The following MRPL3 variants were observed in gnomAD, a reference collection of about 807,000 sequenced individuals.
MRPL3 encodes the protein large ribosomal subunit protein uL3m.
MRPL3 carries 43 observed loss-of-function variants against 44.3 expected under a neutral mutation model. The observed-to-expected ratio is 0.97, with a 90% CI of 0.76 to 1.25. The LOEUF is 1.25. Ranked by LOEUF, MRPL3 falls within the 50% of genes most tolerant of loss-of-function variation. The pLI is 0.00. For synonymous variants in MRPL3, 171 were observed against 152.3 expected (o/e 1.12, Z -0.91); for missense variants, 406 against 427.6 (o/e 0.95, Z 0.45).
intron 9 of MRPL3, among the ~76,000 whole-genome samples, chr3:131,463,991 T>C (rs1009067351): frequency 4.6e-5 from 7 of 152,152 alleles, no homozygotes; most frequent in African/African-American, 1.7e-4. Flanking sequence ...AGATCTACTT[T>C]AATCCCTCTT....
intron 6 of MRPL3, among the ~76,000 whole-genome samples, chr3:131,484,269 T>C (rs1216684261): frequency 1.3e-5 from 2 of 152,182 alleles, no homozygotes; most frequent in Non-Finnish European, 2.9e-5. Flanking sequence ...ACCAGCAGCA[T>C]CTATATCACC....
chr3:131,491,510 G>C (rs545768072), intron 4 of MRPL3, among the ~76,000 whole-genome samples: 1 of 152,006 alleles, frequency 6.6e-6, no homozygotes, highest in Non-Finnish European at 1.5e-5. Flanking sequence ...TAAGCTTAAC[G>C]TGTCTAAAAC....
At chr3:131,472,985 T>C (rs1050810397) in intron 6 of MRPL3, among the ~76,000 whole-genome samples, 1 of 152,090 alleles carries the variant, frequency 6.6e-6, no homozygotes, top group African/African-American at 2.4e-5. Flanking sequence ...GGCCATACTA[T>C]ACAAAGTGGT....
intron 6 of MRPL3, chr3:131,487,317 G>A (rs1179769223): frequency 5.4e-6 from 1 of 185,704 alleles, no homozygotes; most frequent in African/African-American, 2.4e-5. Context: ...GGGGCTGGGG[G>A]AGGGATAGCA....
chr3:131,501,707 A>G lies in MRPL3; in HGVS notation c.101T>C (p.Ile34Thr). Residue 34 changes from isoleucine (I) to threonine (T), a missense_variant, in exon 2 of 10, where the codon ATC becomes ACC. Ile to Thr is a moderately conservative substitution (Grantham distance 89). Transcript: ENST00000264995. ...AALGPGNRTH[I>T]WLFVRGLHGK... is the part of the protein sequence containing the mutation. ...ATGAAGACCTCTAACAAAAAGCCAG[A>G]TGTGTGTTCTATAAAAAGAAAAAAT... 2 of 1,607,716 alleles carry G rather than the reference A, an allele frequency of 1.2e-6. No homozygotes were observed. Among genetic ancestry groups the G allele is most frequent in the Non-Finnish European group, 1.7e-6 (2 of 1,178,004 alleles).
At chr3:131,465,328 C>T (rs191681566) in intron 9 of MRPL3, among the ~76,000 whole-genome samples, 74 of 152,180 alleles carry the variant, frequency 4.9e-4, no homozygotes, top group African/African-American at 1.7e-3. Context: ...CTGAAGTAGG[C>T]GATAAATCTG....
At chr3:131,473,373 CCT>C (rs1933782817) in intron 6 of MRPL3, among the ~76,000 whole-genome samples, 2 of 151,658 alleles carry the variant, frequency 1.3e-5, no homozygotes, top group Admixed American at 1.3e-4. Context: ...AGGTTAGACC[CCT>C]CTCTCTCACC....
intron 9 of MRPL3, among the ~76,000 whole-genome samples, chr3:131,465,904 T>G (rs1056442255): frequency 2.6e-5 from 4 of 150,956 alleles, no homozygotes; most frequent in Admixed American, 2.0e-4. Flanking sequence ...TTTTTTTTTT[T>G]TTTGTTTTTT....
At chr3:131,479,588 G>A (rs1321724241) in intron 6 of MRPL3, among the ~76,000 whole-genome samples, 1 of 152,184 alleles carries the variant, frequency 6.6e-6, no homozygotes, top group African/African-American at 2.4e-5. Flanking sequence ...CTCACGGCCT[G>A]TAATCCCAGT....
chr3:131,492,022 A>C (rs1269761535), intron 4 of MRPL3, among the ~76,000 whole-genome samples: 1 of 152,134 alleles, frequency 6.6e-6, no homozygotes, highest in Non-Finnish European at 1.5e-5. Context: ...GCCCAAGAAC[A>C]CATCAAACAC....
At chr3:131,479,036 C>CTAAGTAGAGGTTTTTCAATTAGAACCATT (rs1933917843) in intron 6 of MRPL3, 1 of 440,170 alleles carries the variant, frequency 2.3e-6, no homozygotes, top group Non-Finnish European at 4.4e-6. Context: ...AATCCATACT[C>CTAAGTAGAGGTTTTTCAATTAGAACCATT]TAAGTAGAGG....
At chr3:131,466,104 CCAGT>C (rs1244247359) in intron 9 of MRPL3, among the ~76,000 whole-genome samples, 1 of 151,748 alleles carries the variant, frequency 6.6e-6, no homozygotes, top group Non-Finnish European at 1.5e-5. Context: ...TGAGAATAAT[CCAGT>C]CAGTAAGTGA....
chr3:131,498,701 C>CAAAA (rs71133698), intron 3 of MRPL3, among the ~76,000 whole-genome samples: 15 of 81,470 alleles, frequency 1.8e-4, no homozygotes, highest in Admixed American at 6.1e-4. Flanking sequence ...GACTCCGTCT[C>CAAAA]AAAAAAAAAA....
chr3:131,499,787 A>G (rs941644918), intron 3 of MRPL3, among the ~76,000 whole-genome samples: 2 of 152,164 alleles, frequency 1.3e-5, no homozygotes, highest in African/African-American at 2.4e-5. Flanking sequence ...AATAGTAGCT[A>G]ATATTTAGTG....
chr3:131,472,838 T>C (rs1933769929), intron 6 of MRPL3, among the ~76,000 whole-genome samples: 1 of 151,350 alleles, frequency 6.6e-6, no homozygotes, highest in African/African-American at 2.4e-5. Flanking sequence ...AAAAAATAAA[T>C]ACCCAGGAAT....
chr3:131,489,875 G>T, intron 5 of MRPL3, 106 bp downstream of exon 5: 2 of 645,624 alleles, frequency 3.1e-6, no homozygotes, highest in Non-Finnish European at 5.5e-6. Flanking sequence ...AAAAGTAAGT[G>T]TTTGAGACTT....
At chr3:131,479,486 T>C (rs1206629410) in intron 6 of MRPL3, among the ~76,000 whole-genome samples, 1 of 152,146 alleles carries the variant, frequency 6.6e-6, no homozygotes, top group African/African-American at 2.4e-5. Context: ...AAAATGGAGA[T>C]TCACCTGGGT....
rs184312451 is a variant in MRPL3 at position 131,480,644 on chromosome 3, C to G, written c.629+7036G>C. Among the ~76,000 whole-genome samples, 11 of 152,208 alleles carry G rather than the reference C, an allele frequency of 7.2e-5. No homozygotes were observed. The East Asian group carries it at 1.7e-3, about 24-fold the overall frequency. On this transcript the variant is annotated intron_variant, in intron 6 of 9. Coordinates refer to ENST00000264995, the MANE Select transcript of MRPL3 (RefSeq NM_007208.4). ...ACTGCACTAAATAAACCCAGAACAC[C>G]ACATTTGCTGTCCTGGGCACACTCT...
At chr3:131,481,079 T>G (rs1049676680) in intron 6 of MRPL3, among the ~76,000 whole-genome samples, 1 of 152,160 alleles carries the variant, frequency 6.6e-6, no homozygotes, top group African/African-American at 2.4e-5. Context: ...ATTAAAATAT[T>G]CCAGCAAATC....
Sources: allele counts gnomAD v4.1 joint callset (sites outside exome capture counted in the v4.1 genomes callset), GRCh38; gene constraint gnomAD v4.1.1; transcripts MANE v1.5; gene names NCBI Gene and HGNC (gene_info 2026-07-23, HGNC 2026-07-21).